Variants in VPS41 observed in about 807,000 individuals in gnomAD.
VPS41 encodes the protein VPS41 subunit of HOPS complex.
In VPS41, 85 loss-of-function variants were observed where a neutral mutation model predicts 130.9. That is an observed-to-expected ratio of 0.65 (90% CI 0.55 to 0.78). The LOEUF (loss-of-function observed/expected upper bound fraction) is 0.78. Ranked by LOEUF, VPS41 falls within the 30% of genes least tolerant of loss-of-function variation. The pLI is 0.00. For synonymous variants in VPS41, 335 were observed against 332.9 expected, an observed-to-expected ratio of 1.01 and a Z score of -0.07; for missense variants, 874 against 1,018.7, an observed-to-expected ratio of 0.86 and a Z score of 1.93.
At chr7:38,839,152 T>C (rs1163621279) in intron 4 of VPS41, among the ~76,000 whole-genome samples, 2 of 152,216 alleles carry the variant, frequency 1.3e-5, no homozygotes, top group Non-Finnish European at 2.9e-5. Flanking sequence ...CTTCATGCTC[T>C]TTAGTCACAG....
intron 2 of VPS41, among the ~76,000 whole-genome samples, chr7:38,877,963 G>C: frequency 6.6e-6 from 1 of 152,138 alleles, no homozygotes; most frequent in East Asian, 1.9e-4. Flanking sequence ...TCCAGAAGGA[G>C]AACTATGCTT....
chr7:38,849,824 G>A (rs1184088344), intron 4 of VPS41, among the ~76,000 whole-genome samples: 1 of 152,130 alleles, frequency 6.6e-6, no homozygotes, highest in Admixed American at 6.5e-5. Context: ...AGGAAAACAG[G>A]AATTCCTGTC....
chr7:38,872,075 G>A lies in VPS41; in HGVS notation c.61-2822C>T, dbSNP rs540516355. Reference sequence around the variant, plus strand: ...TTCACTGAGGACTTCTCACGGCGTTGCAGACAAGATGTCAGCTAGGGCTGT... The same window carrying A: ...TTCACTGAGGACTTCTCACGGCGTTACAGACAAGATGTCAGCTAGGGCTGT... On this transcript the variant is annotated intron_variant, in intron 2 of 28. Coordinates refer to ENST00000310301, the MANE Select transcript of VPS41 (RefSeq NM_014396.4). Among the ~76,000 whole-genome samples, 18 of 152,306 alleles carry A rather than the reference G, an allele frequency of 1.2e-4. No homozygotes were observed. In the East Asian group the frequency reaches 2.9e-3, roughly 24 times the overall value.
intron 23 of VPS41, among the ~76,000 whole-genome samples, chr7:38,744,569 C>T (rs1795949024): frequency 6.6e-6 from 1 of 152,160 alleles, no homozygotes; most frequent in South Asian, 2.1e-4. Flanking sequence ...CTAATAAGTC[C>T]TCTACTGCTT....
At chr7:38,865,023 T>C (rs569537703) in intron 3 of VPS41, among the ~76,000 whole-genome samples, 1 of 152,188 alleles carries the variant, frequency 6.6e-6, no homozygotes, top group Non-Finnish European at 1.5e-5. Context: ...CTTTGGACAA[T>C]GCAAAGGAAA....
At chr7:38,900,376 T>G (rs538185664) in intron 1 of VPS41, among the ~76,000 whole-genome samples, 10 of 151,122 alleles carry the variant, frequency 6.6e-5, no homozygotes, top group African/African-American at 2.4e-4. Context: ...GGACAAAGAG[T>G]AGAGAATGGC....
At chr7:38,796,125 A>T (rs1344575727) in intron 8 of VPS41, among the ~76,000 whole-genome samples, 1 of 152,244 alleles carries the variant, frequency 6.6e-6, no homozygotes, top group East Asian at 1.9e-4. Context: ...AGAAAAGTCC[A>T]GAATAAAAAG....
chr7:38,907,346 A>C (rs1787291369), intron 1 of VPS41, among the ~76,000 whole-genome samples: 2 of 152,204 alleles, frequency 1.3e-5, no homozygotes, highest in East Asian at 3.9e-4. Flanking sequence ...GAGTCACAGA[A>C]GGGAAGGAGA....
intron 4 of VPS41, among the ~76,000 whole-genome samples, chr7:38,853,646 G>A (rs1405736473): frequency 2.6e-5 from 4 of 151,836 alleles, no homozygotes; most frequent in African/African-American, 9.7e-5. Context: ...AGAACCACCA[G>A]AACTGAGAGT....
intron 2 of VPS41, among the ~76,000 whole-genome samples, chr7:38,887,395 T>G (rs181785750): frequency 3.9e-4 from 60 of 152,240 alleles, no homozygotes; most frequent in Admixed American, 3.4e-3. Context: ...CAAGCTTCAA[T>G]AGCCAATTCG....
In VPS41 at chr7:38,783,885, C is replaced by T. The variant is rs140390570; in HGVS notation, c.784+5916G>A. Among the ~76,000 whole-genome samples the T allele has an allele frequency of 2.5e-3, 387 of 152,252 alleles. 4 individuals are homozygous for T. The highest frequency in any genetic ancestry group is 0.02 in the Admixed American group (302 of 15,296). ...CTGTGTATTCAAACCTATGAGACAA[C>T]ATTAAATCAATATTTTTATTACTTG... On this transcript the variant is annotated intron_variant, in intron 10 of 28. Transcript: ENST00000310301.
intron 5 of VPS41, among the ~76,000 whole-genome samples, chr7:38,822,884 T>C (rs2116131106): frequency 6.6e-6 from 1 of 152,324 alleles, no homozygotes; most frequent in African/African-American, 2.4e-5. Flanking sequence ...AAGAATTCCA[T>C]GAGATCTCAA....
chr7:38,772,754 C>T (rs1323511104), intron 12 of VPS41, 117 bp from the exon 13 acceptor site: 3 of 607,304 alleles, frequency 4.9e-6, no homozygotes, highest in South Asian at 4.4e-5. Flanking sequence ...ATGTGTCTAT[C>T]TTTGTTGTGT....
At chr7:38,894,518 C>A (rs1025161336) in intron 2 of VPS41, among the ~76,000 whole-genome samples, 2 of 152,080 alleles carry the variant, frequency 1.3e-5, no homozygotes, top group African/African-American at 2.4e-5. Context: ...GGAAAATGAG[C>A]CACCATGACA....
chr7:38,778,015 C>T (rs190847948), intron 10 of VPS41, among the ~76,000 whole-genome samples: 22 of 152,272 alleles, frequency 1.4e-4, no homozygotes, highest in East Asian at 7.7e-4. Context: ...ATCCTCCTTA[C>T]GCAGCTGTTA....
intron 9 of VPS41, among the ~76,000 whole-genome samples, chr7:38,794,993 A>G (rs971294830): frequency 2.0e-5 from 3 of 152,194 alleles, no homozygotes; most frequent in Non-Finnish European, 4.4e-5. Context: ...ATTATTGATG[A>G]TAAGTCTGGG....
intron 2 of VPS41, among the ~76,000 whole-genome samples, chr7:38,878,764 AG>A (rs1786542278): frequency 6.6e-6 from 1 of 152,220 alleles, no homozygotes; most frequent in South Asian, 2.1e-4. Context: ...GTAAATACAA[AG>A]GTTTCTTTAC....
At chr7:38,823,994 T>C (rs1158865188) in intron 5 of VPS41, among the ~76,000 whole-genome samples, 1 of 152,162 alleles carries the variant, frequency 6.6e-6, no homozygotes, top group East Asian at 1.9e-4. Flanking sequence ...TGGGGAAGTT[T>C]AACTTGATGG....
At chr7:38,797,004 T>C in intron 7 of VPS41, 140 bp from the exon 8 acceptor site, 1 of 918,398 alleles carries the variant, frequency 1.1e-6, no homozygotes, top group Non-Finnish European at 1.6e-6. Flanking sequence ...CTTACAGTAG[T>C]ATGTTATTTG....
Sources: gnomAD v4.1 joint callset for allele counts (sites outside exome capture counted in the v4.1 genomes callset) on GRCh38, gnomAD v4.1.1 for gene constraint, MANE v1.5 for transcripts, NCBI Gene and HGNC (gene_info 2026-07-23, HGNC 2026-07-21) for gene names.